Variants in EDARADD observed in about 807,000 individuals in gnomAD.
EDARADD encodes EDAR associated via death domain, also known as ectodysplasin-A receptor-associated adapter protein.
Under a neutral mutation model 25.6 loss-of-function variants are expected in EDARADD, and 20 were observed. That is an observed-to-expected ratio of 0.78 (90% CI 0.55 to 1.14). EDARADD has a LOEUF of 1.14. Ranked by LOEUF, EDARADD falls within the 50% of genes most tolerant of loss-of-function variation. The probability of loss-of-function intolerance (pLI) is 0.00; values close to 1 mark genes in which losing one functional copy is unlikely to be tolerated. For synonymous variants in EDARADD, 86 were observed against 94.4 expected, an observed-to-expected ratio of 0.91 and a Z score of 0.52; for missense variants, 225 against 270.1, an observed-to-expected ratio of 0.83 and a Z score of 1.17.
At chr1:236,392,275 G>A (rs930449224), upstream of EDARADD, among the ~76,000 whole-genome samples, 3 of 152,142 alleles carry the variant, frequency 2.0e-5, no homozygotes, top group Admixed American at 2.0e-4. Context: ...AAGAATGAAG[G>A]TAGGAAAGTA....
chr1:236,348,762 T>C (rs1240135205), exon 2 of EDARADD: 4 of 152,380 alleles, frequency 2.6e-5, no homozygotes, highest in Admixed American at 6.5e-5. Flanking sequence ...CTGCCGTCCA[T>C]GTGCTGCCCA....
chr1:236,371,662 C>T (rs1383968654), intron 3 of EDARADD, among the ~76,000 whole-genome samples: 16 of 151,806 alleles, frequency 1.1e-4, no homozygotes, highest in African/African-American at 1.9e-4. Flanking sequence ...CTCTGCCTCC[C>T]GTGTTCAAGC....
intron 5 of EDARADD, among the ~76,000 whole-genome samples, chr1:236,482,061 G>A (rs1291510815): frequency 6.7e-6 from 1 of 148,778 alleles, no homozygotes; most frequent in Non-Finnish European, 1.5e-5. Flanking sequence ...CTTGCAGTGA[G>A]CCGAGATAGT....
chr1:236,416,221 G>T (rs1011331176), intron 3 of EDARADD, among the ~76,000 whole-genome samples: 1 of 152,192 alleles, frequency 6.6e-6, no homozygotes, highest in Non-Finnish European at 1.5e-5. Flanking sequence ...CAGGGTGCTG[G>T]TGAGAATTCA....
intron 3 of EDARADD, among the ~76,000 whole-genome samples, chr1:236,380,608 C>CA (rs1172315194): frequency 6.6e-6 from 1 of 152,160 alleles, no homozygotes; most frequent in Non-Finnish European, 1.5e-5. Flanking sequence ...AAGAACATTA[C>CA]AGACAAAGCT....
intron 4 of EDARADD, among the ~76,000 whole-genome samples, chr1:236,444,264 T>TA (rs1658475897): frequency 6.6e-6 from 1 of 152,058 alleles, no homozygotes; most frequent in Non-Finnish European, 1.5e-5. Flanking sequence ...TTATTATTAT[T>TA]TTATTTTATG....
chr1:236,368,440 CTTTTTTTT>C (rs59201705), intron 3 of EDARADD, among the ~76,000 whole-genome samples: 1 of 124,172 alleles, frequency 8.1e-6, no homozygotes, highest in Non-Finnish European at 1.6e-5. Flanking sequence ...CCAGTCTTTT[CTTTTTTTT>C]TTTTTTTTTT....
intron 3 of EDARADD, among the ~76,000 whole-genome samples, chr1:236,377,679 GA>G (rs1390552037): frequency 1.3e-5 from 2 of 151,130 alleles, no homozygotes; most frequent in African/African-American, 4.8e-5. Flanking sequence ...CCAACATGGT[GA>G]AACCCCGTCT....
intron 5 of EDARADD, among the ~76,000 whole-genome samples, chr1:236,481,363 C>T (rs950596584): frequency 2.6e-4 from 39 of 152,142 alleles, no homozygotes; most frequent in Non-Finnish European, 4.4e-5. Context: ...TTCTGGCCAG[C>T]AGTGTCACAA....
chr1:236,414,491 A>C (rs2103010457), intron 3 of EDARADD, among the ~76,000 whole-genome samples, 192 bp downstream of exon 3: 1 of 152,348 alleles, frequency 6.6e-6, no homozygotes, highest in African/African-American at 2.4e-5. Context: ...TTAACCTTGC[A>C]ATAGAAATGA....
chr1:236,400,593 C>G (rs1465408649), intron 1 of EDARADD, among the ~76,000 whole-genome samples: 2 of 152,010 alleles, frequency 1.3e-5, no homozygotes, highest in Non-Finnish European at 2.9e-5. Context: ...TCTCGCTCTG[C>G]ACTCAGGCTG....
upstream of EDARADD, among the ~76,000 whole-genome samples, chr1:236,391,259 C>T (rs548478664): frequency 1.3e-5 from 2 of 152,244 alleles, no homozygotes; most frequent in East Asian, 3.9e-4. Context: ...GGTGATGTCG[C>T]CACCACCTAA....
chr1:236,374,563 T>C (rs887983097), intron 3 of EDARADD, among the ~76,000 whole-genome samples: 1 of 152,194 alleles, frequency 6.6e-6, no homozygotes, highest in Non-Finnish European at 1.5e-5. Context: ...TGTCTGTTTT[T>C]GCCTTGTGCA....
chr1:236,427,942 G>A (rs1187794746), intron 4 of EDARADD, among the ~76,000 whole-genome samples: 2 of 147,170 alleles, frequency 1.4e-5, no homozygotes, highest in Non-Finnish European at 1.5e-5. Flanking sequence ...TTTTTTAATT[G>A]TAATTTTTTT....
At chr1:236,390,445 C>G (rs980580778), upstream of EDARADD, among the ~76,000 whole-genome samples, 2 of 152,042 alleles carry the variant, frequency 1.3e-5, no homozygotes, top group African/African-American at 4.8e-5. Context: ...ATCCCAGCTA[C>G]AGGAGGCTGA....
chr1:236,422,604 T>A (rs959514996), intron 3 of EDARADD, among the ~76,000 whole-genome samples: 1 of 152,226 alleles, frequency 6.6e-6, no homozygotes, highest in Non-Finnish European at 1.5e-5. Context: ...GCAGCAACTG[T>A]CTGCTGAGCT....
At chr1:236,448,386 TG>T (rs2103025832) in intron 4 of EDARADD, among the ~76,000 whole-genome samples, 2 of 152,326 alleles carry the variant, frequency 1.3e-5, no homozygotes, top group South Asian at 4.1e-4. Flanking sequence ...GAAGGCCTGC[TG>T]GGCTGAAGTT....
intron 4 of EDARADD, among the ~76,000 whole-genome samples, chr1:236,445,639 A>C (rs578076864): frequency 6.6e-6 from 1 of 152,300 alleles, no homozygotes; most frequent in Middle Eastern, 3.4e-3. Context: ...AGGAGGTAGA[A>C]ATGGAGGAAG....
At chr1:236,369,486 G>A (rs73121263) in intron 3 of EDARADD, among the ~76,000 whole-genome samples, 22,042 of 152,114 alleles carry the variant, frequency 0.14, 2,124 homozygotes, top group East Asian at 0.43. Flanking sequence ...CCAGGAAGCC[G>A]TCTAAGATTT....
Sources: gnomAD v4.1 joint callset for allele counts (sites outside exome capture counted in the v4.1 genomes callset) on GRCh38, gnomAD v4.1.1 for gene constraint, MANE v1.5 for transcripts, NCBI Gene and HGNC (gene_info 2026-07-23, HGNC 2026-07-21) for gene names.